PPFIBP1: variants seen among roughly 807,000 people sequenced by gnomAD.
PPFIBP1 encodes PPFIB scaffold protein 1, also known as liprin-beta-1.
Under a neutral mutation model 137.8 loss-of-function variants are expected in PPFIBP1, and 112 were observed. The observed-to-expected ratio is 0.81, with a 90% confidence interval of 0.70 to 0.95. The LOEUF is 0.95. Among genes scored for constraint, PPFIBP1 ranks in the 40% least tolerant of loss-of-function variants. The pLI, the probability that PPFIBP1 is intolerant of heterozygous loss-of-function variation, is 0.00. For missense variants in PPFIBP1, 1,083 were observed against 1,196.6 expected (o/e 0.91, Z 1.40); for synonymous variants, 378 against 417.3 (o/e 0.91, Z 1.15).
intron 4 of PPFIBP1, among the ~76,000 whole-genome samples, chr12:27,644,160 T>C (rs1249095989): frequency 1.3e-5 from 2 of 151,024 alleles, no homozygotes; most frequent in Non-Finnish European, 1.5e-5. Context: ...GACTGTAGCC[T>C]CCACCTCCTG....
chr12:27,547,037 T>C (rs1456882595), intron 1 of PPFIBP1: 3 of 152,238 alleles, frequency 2.0e-5, no homozygotes, highest in Admixed American at 1.3e-4. Flanking sequence ...TGGAATGTTA[T>C]GAATAAAGTG....
chr12:27,593,545 C>T, intron 2 of PPFIBP1: 1 of 373,898 alleles, frequency 2.7e-6, no homozygotes, highest in Non-Finnish European at 5.2e-6. Context: ...AGGGGAGCTG[C>T]CGTACAGCTG....
At chr12:27,645,629 T>A (rs2058421573) in intron 4 of PPFIBP1, among the ~76,000 whole-genome samples, 1 of 152,162 alleles carries the variant, frequency 6.6e-6, no homozygotes, top group East Asian at 1.9e-4. Context: ...AGTGTTAAAA[T>A]GGAGATAAGT....
intron 17 of PPFIBP1, among the ~76,000 whole-genome samples, chr12:27,675,945 GAA>G (rs1032485317): frequency 6.6e-6 from 1 of 152,174 alleles, no homozygotes; most frequent in African/African-American, 2.4e-5. Flanking sequence ...TGCTGGTATA[GAA>G]GTTTGAACTA....
chr12:27,584,970 A>G (rs2051558983), intron 2 of PPFIBP1, among the ~76,000 whole-genome samples: 1 of 152,234 alleles, frequency 6.6e-6, no homozygotes, highest in East Asian at 1.9e-4. Context: ...AATCTCATGC[A>G]TCATTTTAGC....
chr12:27,681,446 G>A lies in PPFIBP1; in HGVS notation c.1896-100G>A, dbSNP rs2060866461. The A allele has an allele frequency of 2.2e-6, 3 of 1,334,170 alleles. No individual in the cohort carries two copies. In the South Asian group the frequency reaches 4.2e-5, roughly 19 times the overall value. The allele number at this position is 1,334,170 out of a possible 1,614,324, so 82.6% of individuals were successfully genotyped here. On this transcript the variant is annotated intron_variant, in intron 21 of 29. Transcript: ENST00000228425. Reference sequence around the variant, plus strand: ...TCATGGTCAAATGTGTATCACCAGGGAATTTCCATGTCTATTGAATGTATA... The same window carrying A: ...TCATGGTCAAATGTGTATCACCAGGAAATTTCCATGTCTATTGAATGTATA...
At chr12:27,598,425 G>C (rs1216562922) in intron 2 of PPFIBP1, among the ~76,000 whole-genome samples, 1 of 152,132 alleles carries the variant, frequency 6.6e-6, no homozygotes, top group African/African-American at 2.4e-5. Context: ...CACCCCCCAT[G>C]ATTCAATTAC....
At chr12:27,539,719 T>C (rs989952158) in intron 1 of PPFIBP1, among the ~76,000 whole-genome samples, 1 of 152,124 alleles carries the variant, frequency 6.6e-6, no homozygotes, top group Non-Finnish European at 1.5e-5. Flanking sequence ...TTTGTAATTA[T>C]AAAGGTAATA....
chr12:27,538,437 A>T (rs1471490679), intron 1 of PPFIBP1: 1 of 152,210 alleles, frequency 6.6e-6, no homozygotes, highest in Non-Finnish European at 1.5e-5. Flanking sequence ...TTGTGATAGG[A>T]ACTTTACTTG....
intron 4 of PPFIBP1, 65 bp from the exon 5 acceptor site, chr12:27,645,997 T>C: frequency 8.2e-7 from 1 of 1,226,422 alleles, no homozygotes; most frequent in Non-Finnish European, 1.2e-6. Flanking sequence ...CTTGTGATTT[T>C]CATTTATCTA....
At chr12:27,530,883 G>A (rs306653) in intron 1 of PPFIBP1, among the ~76,000 whole-genome samples, 65,252 of 152,050 alleles carry the variant, frequency 0.43, 14,380 homozygotes, top group Middle Eastern at 0.49. Flanking sequence ...AGATGCTTGA[G>A]GGTTAAGGAT....
intron 11 of PPFIBP1, among the ~76,000 whole-genome samples, chr12:27,662,109 C>T (rs1032648213): frequency 5.9e-5 from 9 of 152,014 alleles, no homozygotes; most frequent in Admixed American, 2.6e-4. Context: ...CTCGTGGGGT[C>T]GGGGATTCAG....
intron 2 of PPFIBP1, among the ~76,000 whole-genome samples, chr12:27,631,888 ATG>A (rs150484687): frequency 0.014 from 2,157 of 152,278 alleles, 16 homozygotes; most frequent in Middle Eastern, 0.034. Context: ...TGAGCCTGGT[ATG>A]TGTCTCTTTG....
chr12:27,569,491 T>A (rs879279446), intron 1 of PPFIBP1, among the ~76,000 whole-genome samples: 3 of 152,100 alleles, frequency 2.0e-5, no homozygotes, highest in African/African-American at 7.2e-5. Context: ...TGTCAAAAAG[T>A]CTCCCTTCCT....
chr12:27,531,813 T>C (rs1944462224), intron 1 of PPFIBP1, among the ~76,000 whole-genome samples: 1 of 152,168 alleles, frequency 6.6e-6, no homozygotes, highest in South Asian at 2.1e-4. Flanking sequence ...CTGTCTCTTA[T>C]CCTCATTCCC....
chr12:27,572,868 A>T (rs1225350378), intron 1 of PPFIBP1, among the ~76,000 whole-genome samples: 7 of 152,142 alleles, frequency 4.6e-5, no homozygotes, highest in Admixed American at 4.6e-4. Context: ...TTTAATGTCT[A>T]TTTATTTTAT....
chr12:27,657,797 C>T (rs898203152), intron 9 of PPFIBP1, among the ~76,000 whole-genome samples: 1 of 152,004 alleles, frequency 6.6e-6, no homozygotes, highest in Non-Finnish European at 1.5e-5. Context: ...TCATACTGAT[C>T]ATGCTTTCAG....
chr12:27,552,692 A>G (rs1302198323), intron 1 of PPFIBP1: 1 of 152,228 alleles, frequency 6.6e-6, no homozygotes, highest in Non-Finnish European at 1.5e-5. Context: ...TAAGTTAAAG[A>G]AAACATTATT....
intron 1 of PPFIBP1, among the ~76,000 whole-genome samples, chr12:27,577,744 C>G (rs1167344130): frequency 1.3e-5 from 2 of 152,062 alleles, no homozygotes; most frequent in African/African-American, 4.8e-5. Context: ...AAATTGTGGA[C>G]ATTTCCCATT....
Sources: allele counts gnomAD v4.1 joint callset (sites outside exome capture counted in the v4.1 genomes callset), GRCh38; gene constraint gnomAD v4.1.1; transcripts MANE v1.5; gene names NCBI Gene and HGNC (gene_info 2026-07-23, HGNC 2026-07-21).